Variants in FOXP2 observed in about 807,000 individuals in gnomAD.
The protein encoded by FOXP2 is forkhead box protein P2.
Under a neutral mutation model 115.8 loss-of-function variants are expected in FOXP2, and 12 were observed. That is an observed-to-expected ratio of 0.10 (90% CI 0.07 to 0.17). The LOEUF (loss-of-function observed/expected upper bound fraction) is 0.17. FOXP2 is among the 10% of genes least tolerant of loss of function. The pLI is 1.00. For synonymous variants in FOXP2, 328 were observed against 297.7 expected (o/e 1.10, Z -1.05); for missense variants, 629 against 843.5 (o/e 0.75, Z 3.15).
chr7:114,617,526 G>C (rs1358830316), intron 3 of FOXP2, among the ~76,000 whole-genome samples: 1 of 152,214 alleles, frequency 6.6e-6, no homozygotes, highest in African/African-American at 2.4e-5. Flanking sequence ...GGGCGAGGCG[G>C]CTCACGCGTG....
At chr7:114,299,880 TC>T (rs141201571) in intron 2 of FOXP2, among the ~76,000 whole-genome samples, 1 of 152,168 alleles carries the variant, frequency 6.6e-6, no homozygotes, top group East Asian at 1.9e-4. Flanking sequence ...GGTTTCTTTG[TC>T]TTTTGTCTTC....
intron 1 of FOXP2, among the ~76,000 whole-genome samples, chr7:114,425,992 G>A (rs1388267604): frequency 1.3e-5 from 2 of 151,660 alleles, no homozygotes; most frequent in Non-Finnish European, 3.0e-5. Context: ...GGTACCATAT[G>A]ATTTGTAACA....
chr7:114,622,178 T>C (rs2129323926), intron 3 of FOXP2, among the ~76,000 whole-genome samples: 1 of 152,090 alleles, frequency 6.6e-6, no homozygotes, highest in East Asian at 1.9e-4. Flanking sequence ...TATGTGCAGA[T>C]GTTTATGGTG....
At chr7:114,408,993 T>C (rs184528423) in intron 2 of FOXP2, among the ~76,000 whole-genome samples, 2 of 152,184 alleles carry the variant, frequency 1.3e-5, no homozygotes, top group Non-Finnish European at 2.9e-5. Flanking sequence ...ATAAACAAAA[T>C]AATATACTAA....
intron 8 of FOXP2, among the ~76,000 whole-genome samples, chr7:114,646,213 A>T (rs1282515995): frequency 6.6e-6 from 1 of 151,946 alleles, no homozygotes; most frequent in African/African-American, 2.4e-5. Context: ...CTATTGTTAC[A>T]TTTTTTTAAG....
chr7:114,690,558 C>A lies in FOXP2; in HGVS notation c.*632C>A. ...AACACAGTAATTAGACTGTTGCAAC[C>A]ATCTAAAACCTTAGGCTTCCAGTCT... On this transcript the variant is annotated 3_prime_UTR_variant, in exon 17 of 17. Coordinates refer to ENST00000350908, the MANE Select transcript of FOXP2 (RefSeq NM_014491.4). 2 of 454,012 alleles carry A rather than the reference C, an allele frequency of 4.4e-6. No homozygotes were observed. Among genetic ancestry groups the A allele is most frequent in the South Asian group, 3.1e-5 (2 of 64,472 alleles). The allele number at this position is 454,012 out of a possible 1,614,324, so 28.1% of individuals were successfully genotyped here.
In FOXP2 at chr7:114,652,297, T is replaced by G; in HGVS notation, c.1182+7T>G. The G allele has an allele frequency of 6.2e-7, 1 of 1,611,902 alleles. No homozygotes were observed. On this transcript the variant is annotated splice_region_variant and intron_variant, in intron 9 of 16. Transcript: ENST00000350908. ...GCAACAGTTAGAAATACAGGTTTGT[T>G]AAATGCTCACTTAATGGACTCTTCT...
chr7:114,144,875 G>A (rs1312538822), intron 1 of FOXP2, among the ~76,000 whole-genome samples: 1 of 152,096 alleles, frequency 6.6e-6, no homozygotes, highest in African/African-American at 2.4e-5. Flanking sequence ...TCAAAAGGAT[G>A]ATAGTATTAA....
At chr7:114,238,279 T>C (rs904367988) in intron 1 of FOXP2, among the ~76,000 whole-genome samples, 1 of 152,152 alleles carries the variant, frequency 6.6e-6, no homozygotes, top group African/African-American at 2.4e-5. Flanking sequence ...CTTTTTTTTT[T>C]TCTTCCTAAT....
At chr7:114,451,841 G>C (rs545337964) in intron 2 of FOXP2, among the ~76,000 whole-genome samples, 1 of 152,144 alleles carries the variant, frequency 6.6e-6, no homozygotes, top group Non-Finnish European at 1.5e-5. Flanking sequence ...ATAGAAGGAT[G>C]ATTAAGAGCT....
intron 1 of FOXP2, among the ~76,000 whole-genome samples, chr7:114,139,492 T>G (rs1792144625): frequency 6.6e-6 from 1 of 152,194 alleles, no homozygotes; most frequent in African/African-American, 2.4e-5. Flanking sequence ...AATGATTTTA[T>G]GCTGATTTTC....
chr7:114,140,112 C>A (rs1052366728), intron 1 of FOXP2, among the ~76,000 whole-genome samples: 1 of 150,614 alleles, frequency 6.6e-6, no homozygotes, highest in Non-Finnish European at 1.5e-5. Context: ...GACTGTGTTT[C>A]AAAAAAAAAT....
chr7:114,190,617 A>G (rs536339268), intron 1 of FOXP2, among the ~76,000 whole-genome samples: 4 of 152,126 alleles, frequency 2.6e-5, no homozygotes, highest in Non-Finnish European at 2.9e-5. Flanking sequence ...TTGTGGAGAC[A>G]TATTCTGTTT....
intron 1 of FOXP2, among the ~76,000 whole-genome samples, chr7:114,221,944 T>C (rs1169872700): frequency 6.6e-6 from 1 of 152,084 alleles, no homozygotes; most frequent in African/African-American, 2.4e-5. Flanking sequence ...CACTGACTGC[T>C]TGTTTATCTC....
intron 1 of FOXP2, among the ~76,000 whole-genome samples, chr7:114,127,504 G>A (rs1475616257): frequency 1.3e-5 from 2 of 152,154 alleles, no homozygotes; most frequent in Non-Finnish European, 1.5e-5. Flanking sequence ...TCAGAAAGGT[G>A]TAACTCATCA....
intron 1 of FOXP2, among the ~76,000 whole-genome samples, chr7:114,154,051 A>G (rs1409989058): frequency 6.6e-6 from 1 of 152,142 alleles, no homozygotes; most frequent in Non-Finnish European, 1.5e-5. Flanking sequence ...ATCTAGTTCA[A>G]CTGATCTGCA....
chr7:114,355,577 A>G (rs1791600147), intron 2 of FOXP2, among the ~76,000 whole-genome samples: 1 of 151,996 alleles, frequency 6.6e-6, no homozygotes, highest in Non-Finnish European at 1.5e-5. Flanking sequence ...TGCATTTTGG[A>G]TCTGTATTTT....
chr7:114,190,205 G>C (rs1253564537), intron 1 of FOXP2, among the ~76,000 whole-genome samples: 1 of 152,116 alleles, frequency 6.6e-6, no homozygotes, highest in Non-Finnish European at 1.5e-5. Context: ...CTATATATCT[G>C]GTAGCACATT....
chr7:114,279,757 A>G (rs1562851147), intron 1 of FOXP2, among the ~76,000 whole-genome samples: 1 of 149,952 alleles, frequency 6.7e-6, no homozygotes, highest in East Asian at 1.9e-4. Context: ...TAAACTTGTT[A>G]TATTAGTTTA....
Sources: allele counts gnomAD v4.1 joint callset (sites outside exome capture counted in the v4.1 genomes callset), GRCh38; gene constraint gnomAD v4.1.1; transcripts MANE v1.5; gene names NCBI Gene and HGNC (gene_info 2026-07-23, HGNC 2026-07-21).